MNAT1: variants seen among roughly 807,000 people sequenced by gnomAD.
MNAT1 encodes CDK-activating kinase assembly factor MAT1.
MNAT1 carries 43 observed loss-of-function variants against 42.0 expected under a neutral mutation model. The observed-to-expected ratio is 1.02, with a 90% confidence interval of 0.80 to 1.32. The LOEUF is 1.32. Ranked by LOEUF, MNAT1 falls within the 40% of genes most tolerant of loss-of-function variation. The probability of loss-of-function intolerance (pLI) is 0.00; values close to 1 mark genes in which losing one functional copy is unlikely to be tolerated. For synonymous variants in MNAT1, 118 were observed against 120.0 expected (o/e 0.98, Z 0.11); for missense variants, 306 against 350.4 (o/e 0.87, Z 1.01).
intron 6 of MNAT1, among the ~76,000 whole-genome samples, chr14:60,837,176 G>A (rs1006305714): frequency 6.6e-6 from 1 of 152,162 alleles, no homozygotes; most frequent in African/African-American, 2.4e-5. Flanking sequence ...GGTGGGATCC[G>A]CTGGGCTAGA....
intron 7 of MNAT1, among the ~76,000 whole-genome samples, chr14:60,933,173 A>G (rs909427307): frequency 1.3e-5 from 2 of 152,082 alleles, no homozygotes; most frequent in African/African-American, 2.4e-5. Flanking sequence ...TATAATATAG[A>G]AAGTCCGGTC....
At chr14:60,915,333 A>T (rs1026172144) in intron 7 of MNAT1, among the ~76,000 whole-genome samples, 2 of 152,134 alleles carry the variant, frequency 1.3e-5, no homozygotes, top group Non-Finnish European at 2.9e-5. Context: ...TCTTAATGCA[A>T]TTATATTACG....
intron 6 of MNAT1, among the ~76,000 whole-genome samples, chr14:60,873,001 C>T (rs1032788964): frequency 6.6e-6 from 1 of 152,018 alleles, no homozygotes. Flanking sequence ...TCATACATAA[C>T]CATAATGCCA....
At chr14:60,940,332 G>A (rs937784903) in intron 7 of MNAT1, among the ~76,000 whole-genome samples, 2 of 152,206 alleles carry the variant, frequency 1.3e-5, no homozygotes, top group African/African-American at 4.8e-5. Flanking sequence ...TAGCCTCGAT[G>A]GTCTTTACAA....
chr14:60,849,054 G>A (rs2033753128), intron 6 of MNAT1, among the ~76,000 whole-genome samples: 1 of 152,140 alleles, frequency 6.6e-6, no homozygotes, highest in African/African-American at 2.4e-5. Context: ...AAGAAGGTGA[G>A]TGGGACCCAA....
At chr14:60,899,156 T>G (rs1038861966) in intron 7 of MNAT1, among the ~76,000 whole-genome samples, 4 of 152,316 alleles carry the variant, frequency 2.6e-5, no homozygotes, top group Middle Eastern at 3.4e-3. Flanking sequence ...AGAGCTTGTC[T>G]TTATACTGCT....
At chr14:60,752,855 C>T (rs1234551559) in intron 1 of MNAT1, among the ~76,000 whole-genome samples, 1 of 152,198 alleles carries the variant, frequency 6.6e-6, no homozygotes, top group Admixed American at 6.5e-5. Flanking sequence ...ACCTCTGCCT[C>T]CTGGGTTGGA....
intron 7 of MNAT1, among the ~76,000 whole-genome samples, chr14:60,958,072 G>T (rs1189874161): frequency 6.6e-6 from 1 of 152,050 alleles, no homozygotes; most frequent in East Asian, 1.9e-4. Context: ...TCCGACCTCA[G>T]GTGATCTGCC....
chr14:60,895,192 T>A (rs1283933758), intron 7 of MNAT1, among the ~76,000 whole-genome samples: 2 of 152,240 alleles, frequency 1.3e-5, no homozygotes, highest in South Asian at 2.1e-4. Context: ...TGAGTTCTTG[T>A]ATCAGAAGTT....
At chr14:60,932,826 A>C (rs939465653) in intron 7 of MNAT1, among the ~76,000 whole-genome samples, 9 of 152,036 alleles carry the variant, frequency 5.9e-5, no homozygotes, top group Admixed American at 5.2e-4. Flanking sequence ...TTTTTGCATC[A>C]TAATTTGGTG....
chr14:60,762,708 A>AAT (rs2030657571), intron 1 of MNAT1, among the ~76,000 whole-genome samples: 1 of 149,656 alleles, frequency 6.7e-6, no homozygotes, highest in Non-Finnish European at 1.5e-5. Context: ...TCTGTCTCAA[A>AAT]AAAAAAAAAA....
At chr14:60,880,666 G>A (rs1032442907) in intron 7 of MNAT1, among the ~76,000 whole-genome samples, 6 of 152,030 alleles carry the variant, frequency 3.9e-5, no homozygotes, top group Non-Finnish European at 5.9e-5. Flanking sequence ...AAACCTACAT[G>A]CATCTTCAAA....
intron 4 of MNAT1, among the ~76,000 whole-genome samples, chr14:60,811,406 G>A (rs1467563365): frequency 2.1e-5 from 3 of 145,788 alleles, no homozygotes; most frequent in Non-Finnish European, 4.5e-5. Flanking sequence ...GGGTTCAAGC[G>A]ATTCTCCTGC....
chr14:60,960,188 T>G (rs1395775674), intron 7 of MNAT1, among the ~76,000 whole-genome samples: 8 of 152,216 alleles, frequency 5.3e-5, no homozygotes, highest in African/African-American at 1.9e-4. Context: ...ATTATTGTTT[T>G]CCTCCTTTCC....
At chr14:60,882,366 C>A (rs2034570828) in intron 7 of MNAT1, among the ~76,000 whole-genome samples, 1 of 152,150 alleles carries the variant, frequency 6.6e-6, no homozygotes, top group African/African-American at 2.4e-5. Flanking sequence ...TTTCACTTAA[C>A]ATAATGACCA....
At position 60,928,101 on chromosome 14, in the gene MNAT1, CAT is replaced by C. The variant is rs1324661453; in HGVS notation, c.810-40127_810-40126del. Among the ~76,000 whole-genome samples the C allele has an allele frequency of 5.3e-5, 8 of 152,148 alleles. 1 individual carries two copies. ...TCTCCACAGACTTGCCTATTCTAGA[CAT>C]GTGATACAAATGGAATCATAAGTAT... On this transcript the variant is annotated intron_variant, in intron 7 of 7. Coordinates refer to ENST00000261245, the MANE Select transcript of MNAT1 (RefSeq NM_002431.4).
chr14:60,860,993 A>G lies in MNAT1; in HGVS notation c.688-18721A>G, dbSNP rs528693349. Among the ~76,000 whole-genome samples, 98 of 152,332 alleles carry G rather than the reference A, an allele frequency of 6.4e-4. 2 individuals carry two copies. The South Asian group carries it at 0.019, about 30-fold the overall frequency. ...TCAAAATGAGTTAGAGGCCTTAGGC[A>G]TTTAAAAAATACCACCAGTGCTGAC... On this transcript the variant is annotated intron_variant, in intron 6 of 7. Transcript: ENST00000261245.
chr14:60,753,018 G>C (rs1203617762), intron 1 of MNAT1, among the ~76,000 whole-genome samples: 1 of 152,214 alleles, frequency 6.6e-6, no homozygotes, highest in Non-Finnish European at 1.5e-5. Flanking sequence ...ACCCACCTTG[G>C]CCTCCCAGAG....
intron 1 of MNAT1, among the ~76,000 whole-genome samples, chr14:60,775,489 A>T (rs1263472246): frequency 6.6e-6 from 1 of 152,142 alleles, no homozygotes; most frequent in Non-Finnish European, 1.5e-5. Flanking sequence ...GAGTCAATTT[A>T]AAAAAATGGT....
Sources: gnomAD v4.1 joint callset for allele counts (sites outside exome capture counted in the v4.1 genomes callset) on GRCh38, gnomAD v4.1.1 for gene constraint, MANE v1.5 for transcripts, NCBI Gene and HGNC (gene_info 2026-07-23, HGNC 2026-07-21) for gene names.